Variants in TENM3 observed in about 807,000 individuals in gnomAD.
TENM3 encodes teneurin transmembrane protein 3.
In TENM3, 63 loss-of-function variants were observed where a neutral mutation model predicts 255.1. The ratio of observed to expected loss-of-function variants is 0.25; its 90% CI spans 0.20 to 0.30. The LOEUF (loss-of-function observed/expected upper bound fraction) is 0.30. TENM3 is among the 10% of genes least tolerant of loss of function. TENM3 has a pLI of 1.00. For missense variants in TENM3, 2,929 were observed against 3,461.1 expected (o/e 0.85, Z 3.86); for synonymous variants, 1,306 against 1,322.3 (o/e 0.99, Z 0.27).
At chr4:181,888,509 T>TATATATATATACAC in the TENM3 span, among the ~76,000 whole-genome samples, 2 of 32,420 alleles carry the variant, frequency 6.2e-5, no homozygotes, top group South Asian at 1.4e-3. Flanking sequence ...TATATATATA[T>TATATATATATACAC]ATATATGTAT....
intron 2 of TENM3, among the ~76,000 whole-genome samples, chr4:182,324,456 G>GCACTGA (rs1035154450): frequency 5.3e-5 from 8 of 152,236 alleles, no homozygotes; most frequent in African/African-American, 1.4e-4. Flanking sequence ...CCAGGCACAG[G>GCACTGA]CACTGACACG....
At chr4:182,464,514 C>T (rs1732404246) in intron 3 of TENM3, among the ~76,000 whole-genome samples, 1 of 152,198 alleles carries the variant, frequency 6.6e-6, no homozygotes, top group Non-Finnish European at 1.5e-5. Flanking sequence ...ATCTCTGCCT[C>T]CCAAAGTGCT....
In TENM3 at chr4:182,799,225, T is replaced by G. The variant is rs752767877; in HGVS notation, c.7345-371T>G. ...TGTTTGGTGGCTTCTCAGCCTCCTG[T>G]GGAGAAAGCTACGAGCATGCAGATC... On this transcript the variant is annotated intron_variant, in intron 27 of 27. Coordinates refer to ENST00000511685, the MANE Select transcript of TENM3 (RefSeq NM_001080477.4). The surrounding 1 kb of genome is among the most constrained non-coding windows in gnomAD (Gnocchi z 4.2). Among the ~76,000 whole-genome samples, 2 of 152,162 alleles carry G rather than the reference T, an allele frequency of 1.3e-5. No individual in the cohort carries two copies. The highest frequency in any genetic ancestry group is 2.9e-5 in the Non-Finnish European group (2 of 68,026).
chr4:182,592,127 T>A (rs1746712835), intron 3 of TENM3, among the ~76,000 whole-genome samples: 1 of 119,244 alleles, frequency 8.4e-6, no homozygotes, highest in African/African-American at 2.6e-5. Context: ...TTTCTTTTCT[T>A]CTTTTTTTTT....
the TENM3 span, among the ~76,000 whole-genome samples, chr4:181,894,576 A>C: frequency 6.6e-6 from 1 of 152,290 alleles, no homozygotes; most frequent in East Asian, 1.9e-4. Context: ...CGTATTTATA[A>C]AGAGAAGAAG....
At chr4:182,537,804 T>C (rs992916380) in intron 3 of TENM3, among the ~76,000 whole-genome samples, 2 of 152,228 alleles carry the variant, frequency 1.3e-5, no homozygotes, top group African/African-American at 4.8e-5. Context: ...TTGTTCATGC[T>C]GCAGCGTGTT....
intron 1 of TENM3, among the ~76,000 whole-genome samples, chr4:182,289,123 T>A (rs9637686): frequency 1.3e-5 from 2 of 152,080 alleles, no homozygotes; most frequent in Admixed American, 6.5e-5. Flanking sequence ...CCAGCTACTC[T>A]GGAGGCTGAC....
chr4:182,224,430 T>C (rs1756023153), intron 1 of TENM3, among the ~76,000 whole-genome samples: 1 of 152,226 alleles, frequency 6.6e-6, no homozygotes, highest in African/African-American at 2.4e-5. Context: ...GCCGACTCTG[T>C]CAAAGGTAAT....
At chr4:182,469,559 G>A in intron 3 of TENM3, among the ~76,000 whole-genome samples, 1 of 151,990 alleles carries the variant, frequency 6.6e-6, no homozygotes, top group African/African-American at 2.4e-5. Flanking sequence ...AACTAAAAAT[G>A]CAAAATGAGC....
At chr4:181,641,292 G>A in the TENM3 span, among the ~76,000 whole-genome samples, 9 of 151,440 alleles carry the variant, frequency 5.9e-5, no homozygotes, top group South Asian at 2.1e-4. Context: ...CCATCAACCC[G>A]TCACCTACAT....
the TENM3 span, among the ~76,000 whole-genome samples, chr4:182,135,539 C>T: frequency 9.2e-5 from 14 of 152,240 alleles, no homozygotes; most frequent in South Asian, 1.0e-3. Context: ...AAAGTAAAGA[C>T]GAAATATCAA....
intron 3 of TENM3, among the ~76,000 whole-genome samples, chr4:182,424,250 C>T (rs1318177876): frequency 6.6e-6 from 1 of 152,026 alleles, no homozygotes; most frequent in African/African-American, 2.4e-5. Flanking sequence ...CAACTAGGAG[C>T]TCTTTTTGAA....
At chr4:181,691,965 T>C in the TENM3 span, among the ~76,000 whole-genome samples, 1 of 152,322 alleles carries the variant, frequency 6.6e-6, no homozygotes, top group East Asian at 1.9e-4. Context: ...GTGCTTGTCT[T>C]TAAGTTGCAA....
At chr4:182,459,724 G>A (rs1050271239) in intron 3 of TENM3, among the ~76,000 whole-genome samples, 1 of 151,976 alleles carries the variant, frequency 6.6e-6, no homozygotes, top group African/African-American at 2.4e-5. Context: ...CTTTCATGCT[G>A]AGATATCAGT....
At chr4:182,245,742 G>C (rs1421072930) in intron 1 of TENM3, among the ~76,000 whole-genome samples, 1 of 152,216 alleles carries the variant, frequency 6.6e-6, no homozygotes, top group African/African-American at 2.4e-5. Context: ...ACAGGAGAGA[G>C]AAAGGGATTA....
At chr4:182,771,351 T>G (rs2152792224) in intron 22 of TENM3, among the ~76,000 whole-genome samples, 1 of 152,270 alleles carries the variant, frequency 6.6e-6, no homozygotes, top group Admixed American at 6.5e-5. Flanking sequence ...AGTTCCCAGC[T>G]TTAAATCAGG....
intron 3 of TENM3, among the ~76,000 whole-genome samples, chr4:182,594,292 A>T (rs1433099418): frequency 1.3e-5 from 2 of 152,104 alleles, no homozygotes; most frequent in African/African-American, 4.8e-5. Context: ...GGCGTGAACC[A>T]CTGAGCCTGG....
At chr4:181,639,946 A>G in the TENM3 span, among the ~76,000 whole-genome samples, 1 of 152,208 alleles carries the variant, frequency 6.6e-6, no homozygotes. Context: ...AGTGCCGTTT[A>G]CAATGCCGTG....
chr4:181,994,585 A>G, the TENM3 span, among the ~76,000 whole-genome samples: 1 of 62,772 alleles, frequency 1.6e-5, no homozygotes, highest in African/African-American at 6.0e-5. Context: ...CTCAATTTGT[A>G]CTCTTTAAGG....
Sources: gnomAD v4.1 joint callset for allele counts (sites outside exome capture counted in the v4.1 genomes callset) on GRCh38, gnomAD v4.1.1 for gene constraint, Gnocchi (gnomAD v3.1) non-coding constraint, MANE v1.5 for transcripts, NCBI Gene and HGNC (gene_info 2026-07-23, HGNC 2026-07-21) for gene names.